The following TRIM51G variants were observed in gnomAD, a reference collection of about 807,000 sequenced individuals.
TRIM51G encodes the protein tripartite motif-containing 51G.
At chr11:48,981,341 G>A in the TRIM51G span, 2 of 1,606,874 alleles carry the variant, frequency 1.2e-6, no homozygotes, top group Non-Finnish European at 1.7e-6. Flanking sequence ...CGGTGCTCCT[G>A]AGAGTTGGAG....
At chr11:48,977,844 G>A in the TRIM51G span, among the ~76,000 whole-genome samples, 2 of 151,972 alleles carry the variant, frequency 1.3e-5, no homozygotes, top group Non-Finnish European at 2.9e-5. Flanking sequence ...ATTAGGAATA[G>A]AGATGCTCAC....
chr11:48,983,381 T>C, the TRIM51G span, among the ~76,000 whole-genome samples: 2 of 151,858 alleles, frequency 1.3e-5, no homozygotes, highest in African/African-American at 4.8e-5. Flanking sequence ...TCTAAAAGCT[T>C]AATGTTATGA....
At chr11:48,975,646 C>A in the TRIM51G span, 1 of 1,424,444 alleles carries the variant, frequency 7.0e-7, no homozygotes. Flanking sequence ...GTCTGTAGGT[C>A]TTGGAACATA....
At chr11:48,977,778 A>G in the TRIM51G span, among the ~76,000 whole-genome samples, 2 of 152,150 alleles carry the variant, frequency 1.3e-5, no homozygotes, top group Admixed American at 6.6e-5. Context: ...GTAGCCATGT[A>G]GTAAATGCAA....
the TRIM51G span, chr11:48,979,190 ATTTTAATCCTCGATC>A: frequency 3.2e-6 from 2 of 627,098 alleles, no homozygotes; most frequent in Non-Finnish European, 6.1e-6. Context: ...AACACCCAAT[ATTTTAATCCTCGATC>A]TTGTCAATTC....
At chr11:48,976,424 A>G in the TRIM51G span, among the ~76,000 whole-genome samples, 1 of 152,244 alleles carries the variant, frequency 6.6e-6, no homozygotes, top group Admixed American at 6.5e-5. Flanking sequence ...TAACTGGATA[A>G]AAGTCCACAT....
chr11:48,982,453 C>G, the TRIM51G span, among the ~76,000 whole-genome samples: 9 of 152,098 alleles, frequency 5.9e-5, no homozygotes, highest in Non-Finnish European at 8.8e-5. Context: ...AGCATTATTT[C>G]TGGGTGAGTC....
At chr11:48,976,680 T>C in the TRIM51G span, among the ~76,000 whole-genome samples, 2 of 152,146 alleles carry the variant, frequency 1.3e-5, no homozygotes, top group South Asian at 2.1e-4. Context: ...AAAATACTAA[T>C]ACTCCAACAA....
the TRIM51G span, among the ~76,000 whole-genome samples, chr11:48,982,875 G>A: frequency 1.1e-3 from 134 of 125,022 alleles, 1 homozygote; most frequent in African/African-American, 3.8e-3. Flanking sequence ...ATACAGTATA[G>A]CATATTGTTC....
chr11:48,978,948 T>C, the TRIM51G span: 2 of 1,589,640 alleles, frequency 1.3e-6, no homozygotes, highest in Admixed American at 1.7e-5. Context: ...CTCCCTGGAA[T>C]GTTCCATTCT....
At chr11:48,977,226 A>T in the TRIM51G span, 30 of 835,696 alleles carry the variant, frequency 3.6e-5, no homozygotes, top group South Asian at 2.3e-4. Flanking sequence ...AGCCAAAAAA[A>T]TACATAAGAA....
chr11:48,983,503 A>G, the TRIM51G span, among the ~76,000 whole-genome samples: 1 of 152,112 alleles, frequency 6.6e-6, no homozygotes, highest in East Asian at 1.9e-4. Flanking sequence ...TCCATGATGC[A>G]TACAAATCTA....
the TRIM51G span, among the ~76,000 whole-genome samples, chr11:48,976,658 A>G: frequency 2.0e-5 from 3 of 152,084 alleles, no homozygotes; most frequent in Admixed American, 2.0e-4. Context: ...AATAATATAT[A>G]TTTATTGTAA....
the TRIM51G span, chr11:48,975,653 C>T: frequency 7.0e-7 from 1 of 1,428,502 alleles, no homozygotes; most frequent in Non-Finnish European, 9.9e-7. Flanking sequence ...GGTCTTGGAA[C>T]ATATTGCATT....
the TRIM51G span, chr11:48,981,413 TC>T: frequency 6.2e-7 from 1 of 1,607,890 alleles, no homozygotes; most frequent in Non-Finnish European, 8.5e-7. Flanking sequence ...TCTCTGTGCG[TC>T]CCACATATTT....
the TRIM51G span, chr11:48,977,158 C>A: frequency 1.5e-6 from 2 of 1,320,082 alleles, no homozygotes; most frequent in Non-Finnish European, 1.1e-6. Context: ...CAGGCTCAGA[C>A]ACTTGCAGCA....
At chr11:48,978,178 AG>A in the TRIM51G span, 1 of 532,330 alleles carries the variant, frequency 1.9e-6, no homozygotes, top group Non-Finnish European at 3.9e-6. Context: ...AAAAATAGAA[AG>A]GCTTAGTGCT....
At chr11:48,976,967 A>T in the TRIM51G span, 4 of 589,788 alleles carry the variant, frequency 6.8e-6, no homozygotes, top group South Asian at 6.6e-5. Flanking sequence ...TTGTATCGTC[A>T]TATGGTTCAC....
the TRIM51G span, among the ~76,000 whole-genome samples, chr11:48,977,717 CACTGCTA>C: frequency 6.6e-6 from 1 of 152,136 alleles, no homozygotes; most frequent in African/African-American, 2.4e-5. Context: ...CAACACTTTT[CACTGCTA>C]AAATACTTTC....
Sources: gnomAD v4.1 joint callset for allele counts (sites outside exome capture counted in the v4.1 genomes callset) on GRCh38, gnomAD v4.1.1 for gene constraint, MANE v1.5 for transcripts, NCBI Gene and HGNC (gene_info 2026-07-23, HGNC 2026-07-21) for gene names.